SLC9B2: variants seen among roughly 807,000 people sequenced by gnomAD.
SLC9B2 encodes sodium/hydrogen exchanger 9B2.
Under a neutral mutation model 52.2 loss-of-function variants are expected in SLC9B2, and 39 were observed. The ratio of observed to expected loss-of-function variants is 0.75; its 90% CI spans 0.58 to 0.98. The LOEUF (loss-of-function observed/expected upper bound fraction) is 0.98. Among genes scored for constraint, SLC9B2 ranks in the 50% least tolerant of loss-of-function variants. The pLI is 0.00. For missense variants in SLC9B2, 626 were observed against 637.5 expected, an observed-to-expected ratio of 0.98 and a Z score of 0.19; for synonymous variants, 214 against 227.0, an observed-to-expected ratio of 0.94 and a Z score of 0.51.
chr4:103,031,950 C>G lies in SLC9B2; in HGVS notation c.1147-142G>C, dbSNP rs546527844. 80 of 722,518 alleles carry G rather than the reference C, an allele frequency of 1.1e-4. 2 individuals carry two copies. In the South Asian group the frequency reaches 1.6e-3, roughly 14 times the overall value. 44.8% of individuals were successfully genotyped at this position (722,518 alleles called of 1,614,324 possible). ...TCTATAACTAAAAGGTTAGCTAGAA[C>G]AGAGCAAAAAAACTGCATGAAGATC... On this transcript the variant is annotated intron_variant, in intron 9 of 11. Transcript: ENST00000394785.
At chr4:103,062,857 G>A (rs1258590889) in intron 3 of SLC9B2, among the ~76,000 whole-genome samples, 1 of 152,148 alleles carries the variant, frequency 6.6e-6, no homozygotes, top group African/African-American at 2.4e-5. Context: ...TCATCCACCT[G>A]CCTTGGCCTC....
At chr4:103,034,693 T>C (rs989095123) in intron 9 of SLC9B2, among the ~76,000 whole-genome samples, 1 of 152,118 alleles carries the variant, frequency 6.6e-6, no homozygotes, top group East Asian at 1.9e-4. Context: ...CCAACAAGCA[T>C]ATAAAAATGT....
At chr4:103,028,227 C>G (rs556452847) in intron 11 of SLC9B2, among the ~76,000 whole-genome samples, 2 of 152,136 alleles carry the variant, frequency 1.3e-5, no homozygotes, top group South Asian at 2.1e-4. Flanking sequence ...ATAATTAATA[C>G]CAACTAATAA....
chr4:103,018,233 A>G (rs1741502770), downstream of SLC9B2, among the ~76,000 whole-genome samples: 1 of 152,142 alleles, frequency 6.6e-6, no homozygotes, highest in African/African-American at 2.4e-5. Flanking sequence ...GCACCCACCT[A>G]TTTCCTTGTG....
chr4:103,043,464 C>T lies in SLC9B2; in HGVS notation c.997-19G>A, dbSNP rs571663246. ...GTTTGTCCTTTAGGAGAAAAAAATT[C>T]ATTTGCTCAATTATTTCAAATCCCT... is the stretch of plus-strand genomic sequence containing the variant. On this transcript the variant is annotated intron_variant, in intron 8 of 11. Coordinates refer to ENST00000394785, the MANE Select transcript of SLC9B2 (RefSeq NM_178833.7). The T allele has an allele frequency of 6.3e-7, 1 of 1,579,896 alleles. No homozygotes were observed. Among genetic ancestry groups the T allele is most frequent in the African/African-American group, 1.4e-5 (1 of 73,566 alleles).
Position 103,047,216 on chromosome 4 carries a change from C to T in SLC9B2, c.724G>A (p.Gly242Ser). ...QWGFILGFVL[G>S]AVSPAVVVPS... is the part of the protein sequence containing the mutation. ...ACCACAACAGCTGGAGATACAGCAC[C>T]TAAAACAAAACTAGGCAGACAGCAT... The change falls in exon 7 of 12, where the codon GGT becomes AGT. Residue 242 changes from glycine (G) to serine (S), a missense_variant. Gly to Ser is a moderately conservative substitution (Grantham distance 56). Transcript: ENST00000394785. 1 of 1,612,028 alleles carries T rather than the reference C, an allele frequency of 6.2e-7. No homozygotes were observed.
At chr4:103,074,073 A>C (rs1283474920) in intron 1 of SLC9B2, among the ~76,000 whole-genome samples, 2 of 152,226 alleles carry the variant, frequency 1.3e-5, no homozygotes, top group African/African-American at 4.8e-5. Context: ...TTCTTAATAA[A>C]GACAGAGAGA....
At chr4:103,056,100 G>A (rs1245305274) in intron 4 of SLC9B2, among the ~76,000 whole-genome samples, 1 of 151,860 alleles carries the variant, frequency 6.6e-6, no homozygotes, top group South Asian at 2.1e-4. Flanking sequence ...CACCGCACCT[G>A]GCCTATAATG....
chr4:103,020,833 T>G (rs1741736590), downstream of SLC9B2, among the ~76,000 whole-genome samples: 1 of 152,080 alleles, frequency 6.6e-6, no homozygotes. Flanking sequence ...TTTCACATAT[T>G]GCCCAGGAGG....
At position 103,024,409 on chromosome 4, in the gene SLC9B2, T is replaced by G. The variant is rs555982993; in HGVS notation, c.*1961A>C. ...CAAGTCCAAATCAAGAGCATAAACA[T>G]TAAAGGAATACAGCACCATAGGGTA... On this transcript the variant is annotated 3_prime_UTR_variant, in exon 12 of 12. Coordinates refer to ENST00000394785, the MANE Select transcript of SLC9B2 (RefSeq NM_178833.7). Among the ~76,000 whole-genome samples the G allele has an allele frequency of 9.3e-4, 141 of 152,260 alleles. No individual in the cohort carries two copies. The highest frequency in any genetic ancestry group is 3.4e-3 in the Middle Eastern group (1 of 294).
At chr4:103,052,848 G>T (rs920139564) in intron 4 of SLC9B2, among the ~76,000 whole-genome samples, 2 of 151,852 alleles carry the variant, frequency 1.3e-5, no homozygotes, top group Non-Finnish European at 1.5e-5. Context: ...CTCTCTCTTG[G>T]CCTGAGAGAG....
At chr4:103,050,065 C>A (rs544808383) in intron 5 of SLC9B2, among the ~76,000 whole-genome samples, 175 bp downstream of exon 5, 1 of 151,664 alleles carries the variant, frequency 6.6e-6, no homozygotes, top group East Asian at 1.9e-4. Flanking sequence ...TATTGCAAAC[C>A]ACAACAAGGT....
chr4:103,039,733 C>T (rs1055980202), intron 9 of SLC9B2, among the ~76,000 whole-genome samples: 3 of 150,640 alleles, frequency 2.0e-5, no homozygotes, highest in South Asian at 2.1e-4. Flanking sequence ...CTGCAACCTC[C>T]GCCTGCCAGG....
chr4:103,018,282 A>C (rs1269160042), downstream of SLC9B2, among the ~76,000 whole-genome samples: 1 of 152,230 alleles, frequency 6.6e-6, no homozygotes, highest in African/African-American at 2.4e-5. Context: ...GAGCCAACTG[A>C]AAAACAGCAG....
intron 1 of SLC9B2, among the ~76,000 whole-genome samples, chr4:103,074,686 A>T (rs1322432080): frequency 6.6e-6 from 1 of 152,228 alleles, no homozygotes; most frequent in Non-Finnish European, 1.5e-5. Flanking sequence ...CTGAAGTTAA[A>T]TTGTAATATT....
chr4:103,031,011 AT>A (rs11286087), intron 10 of SLC9B2, among the ~76,000 whole-genome samples: 55,225 of 151,352 alleles, frequency 0.36, 10,022 homozygotes, highest in Middle Eastern at 0.43. Flanking sequence ...GAAGAGAAGC[AT>A]TTTTTTTTAA....
chr4:103,071,435 A>G (rs997107326), intron 1 of SLC9B2, among the ~76,000 whole-genome samples: 1 of 141,424 alleles, frequency 7.1e-6, no homozygotes, highest in African/African-American at 2.7e-5. Flanking sequence ...CTGAAGAGGG[A>G]TTGCAATGGC....
At chr4:103,043,015 C>T (rs1049202499) in intron 9 of SLC9B2, among the ~76,000 whole-genome samples, 4 of 151,098 alleles carry the variant, frequency 2.6e-5, no homozygotes, top group East Asian at 1.9e-4. Context: ...CTAGAAACAA[C>T]GTAAATATCT....
chr4:103,021,071 A>G (rs763944658), downstream of SLC9B2, among the ~76,000 whole-genome samples: 14 of 152,192 alleles, frequency 9.2e-5, no homozygotes, highest in African/African-American at 1.7e-4. Flanking sequence ...CATGAAAAGG[A>G]AATGTTTTGT....
Sources: allele counts gnomAD v4.1 joint callset (sites outside exome capture counted in the v4.1 genomes callset), GRCh38; gene constraint gnomAD v4.1.1; transcripts MANE v1.5; gene names NCBI Gene and HGNC (gene_info 2026-07-23, HGNC 2026-07-21).